SPIDR: variants seen among roughly 807,000 people sequenced by gnomAD.
SPIDR encodes the protein DNA repair-scaffolding protein.
Under a neutral mutation model 104.6 loss-of-function variants are expected in SPIDR, and 93 were observed. The ratio of observed to expected loss-of-function variants is 0.89; its 90% CI spans 0.75 to 1.06. The LOEUF is 1.06. Ranked by LOEUF, SPIDR falls within the 50% of genes least tolerant of loss-of-function variation. SPIDR has a pLI of 0.00. For synonymous variants in SPIDR, 431 were observed against 416.9 expected (o/e 1.03, Z -0.41); for missense variants, 1,154 against 1,111.2 (o/e 1.04, Z -0.55).
At chr8:47,417,188 T>A (rs1554676068) in intron 7 of SPIDR, among the ~76,000 whole-genome samples, 2 of 152,242 alleles carry the variant, frequency 1.3e-5, no homozygotes, top group Non-Finnish European at 2.9e-5. Context: ...TCTAGATCCC[T>A]GAGGAATCGC....
chr8:47,358,617 G>C (rs2055057433), intron 5 of SPIDR, among the ~76,000 whole-genome samples: 1 of 152,142 alleles, frequency 6.6e-6, no homozygotes, highest in African/African-American at 2.4e-5. Context: ...AAGAAATGAT[G>C]AACTCAAGCC....
At position 47,729,455 on chromosome 8, in the gene SPIDR, G is replaced by C; in HGVS notation, c.2594G>C (p.Gly865Ala). ...TCCTCCCTGCTGAGGTTTGCCGCCG[G>C]TGAAGATGGGGTAAGTGCAGGGGGC... ...SISSLLRFAAGEDGSYEVKSV... is the reference protein window; with the variant it reads ...SISSLLRFAAAEDGSYEVKSV... Residue 865 changes from glycine (G) to alanine (A), a missense_variant, in exon 19 of 20, where the codon GGT becomes GCT. Transcript: ENST00000297423. 1.3e-6 allele frequency: 2 copies of C among 1,597,632 alleles called. No individual in the cohort carries two copies. Among genetic ancestry groups the C allele is most frequent in the African/African-American group, 1.3e-5 (1 of 74,952 alleles).
At chr8:47,322,990 A>G (rs2047006242) in intron 5 of SPIDR, among the ~76,000 whole-genome samples, 1 of 152,164 alleles carries the variant, frequency 6.6e-6, no homozygotes, top group Admixed American at 6.6e-5. Flanking sequence ...CTAATGTTAA[A>G]TGACGAGTTA....
intron 11 of SPIDR, among the ~76,000 whole-genome samples, chr8:47,693,649 T>G (rs1364360823): frequency 2.0e-5 from 3 of 151,848 alleles, no homozygotes; most frequent in Non-Finnish European, 4.4e-5. Context: ...GAGGTTCACA[T>G]TCTCGTGAGG....
intron 10 of SPIDR, among the ~76,000 whole-genome samples, chr8:47,641,992 C>G (rs1386798223): frequency 2.0e-5 from 3 of 152,164 alleles, no homozygotes; most frequent in Admixed American, 2.0e-4. Flanking sequence ...CGGGCCCTGG[C>G]ATGGTATTCC....
Position 47,279,860 on chromosome 8 carries a change from A to G in SPIDR, c.34-2A>G, listed in dbSNP as rs2037378058. ...TTTTTCTTTTAAAAATCATCTCCAC[A>G]GAGAAAAAGGAGTTGGAATACAGAA... On this transcript the variant is annotated splice_acceptor_variant, in intron 1 of 19. Transcript: ENST00000297423. LOFTEE classifies it high-confidence loss of function. 6.3e-7 allele frequency: 1 copy of G among 1,599,980 alleles called. No individual in the cohort carries two copies. Among genetic ancestry groups the G allele is most frequent in the African/African-American group, 1.3e-5 (1 of 74,236 alleles).
chr8:47,484,502 T>C (rs2077274012), intron 8 of SPIDR, among the ~76,000 whole-genome samples: 1 of 152,182 alleles, frequency 6.6e-6, no homozygotes, highest in African/African-American at 2.4e-5. Flanking sequence ...GAGCAGAACA[T>C]GGTGGCAGAG....
At chr8:47,401,569 T>C (rs2061892365) in intron 6 of SPIDR, among the ~76,000 whole-genome samples, 1 of 152,158 alleles carries the variant, frequency 6.6e-6, no homozygotes, top group Non-Finnish European at 1.5e-5. Flanking sequence ...CCCATCAGTG[T>C]GCTGTATTCA....
At chr8:47,270,819 A>G (rs963650604) in intron 1 of SPIDR, among the ~76,000 whole-genome samples, 4 of 151,806 alleles carry the variant, frequency 2.6e-5, no homozygotes, top group African/African-American at 9.7e-5. Flanking sequence ...TTTTTGATCT[A>G]TTGGCTGTTT....
intron 19 of SPIDR, chr8:47,732,228 T>C: frequency 1.4e-6 from 1 of 702,374 alleles, no homozygotes; most frequent in Non-Finnish European, 2.6e-6. Context: ...ACTTGTCAAC[T>C]AGAATATTCC....
chr8:47,370,771 C>T (rs529819633), intron 5 of SPIDR, among the ~76,000 whole-genome samples: 1 of 151,970 alleles, frequency 6.6e-6, no homozygotes, highest in South Asian at 2.1e-4. Context: ...ATTTTATATT[C>T]TCTCGCATAG....
At chr8:47,286,258 A>T (rs2038829259) in intron 3 of SPIDR, among the ~76,000 whole-genome samples, 1 of 152,212 alleles carries the variant, frequency 6.6e-6, no homozygotes, top group Non-Finnish European at 1.5e-5. Flanking sequence ...TCAGAAGCTC[A>T]CCTGCCTGGG....
chr8:47,351,955 T>C (rs1300228124), intron 5 of SPIDR, among the ~76,000 whole-genome samples: 1 of 152,124 alleles, frequency 6.6e-6, no homozygotes, highest in African/African-American at 2.4e-5. Context: ...GAACAGATGT[T>C]CAGGATCCTT....
chr8:47,391,372 T>C (rs1406011120), intron 5 of SPIDR, among the ~76,000 whole-genome samples: 1 of 151,400 alleles, frequency 6.6e-6, no homozygotes, highest in African/African-American at 2.4e-5. Context: ...ACCTTGTCTC[T>C]ACAAAAAAAA....
intron 8 of SPIDR, among the ~76,000 whole-genome samples, chr8:47,449,058 G>A (rs1409170294): frequency 6.6e-6 from 1 of 152,154 alleles, no homozygotes; most frequent in African/African-American, 2.4e-5. Flanking sequence ...CAGAATAAAT[G>A]CATCTCGGAG....
chr8:47,578,947 TAAG>T (rs1401313782), intron 8 of SPIDR, among the ~76,000 whole-genome samples: 1 of 152,178 alleles, frequency 6.6e-6, no homozygotes, highest in Non-Finnish European at 1.5e-5. Flanking sequence ...TCTTGTCAAA[TAAG>T]AAGCTGAAAA....
At chr8:47,408,254 A>C (rs2063028482) in intron 7 of SPIDR, among the ~76,000 whole-genome samples, 1 of 152,128 alleles carries the variant, frequency 6.6e-6, no homozygotes, top group Non-Finnish European at 1.5e-5. Flanking sequence ...CTACCCTCTT[A>C]GCAAAATTTA....
chr8:47,627,256 G>C (rs1024375222), intron 10 of SPIDR, among the ~76,000 whole-genome samples: 2 of 152,156 alleles, frequency 1.3e-5, no homozygotes, highest in Non-Finnish European at 2.9e-5. Flanking sequence ...CGGGAGCGGG[G>C]AGGGATAGCA....
intron 8 of SPIDR, among the ~76,000 whole-genome samples, chr8:47,470,898 C>A (rs2075603148): frequency 1.3e-5 from 2 of 152,012 alleles, no homozygotes; most frequent in African/African-American, 4.8e-5. Context: ...CCACGCCCAG[C>A]TAATTTTTTG....
Sources: gnomAD v4.1 joint callset for allele counts (sites outside exome capture counted in the v4.1 genomes callset) on GRCh38, gnomAD v4.1.1 for gene constraint, MANE v1.5 for transcripts, NCBI Gene and HGNC (gene_info 2026-07-23, HGNC 2026-07-21) for gene names.